NYAP2: variants seen among roughly 807,000 people sequenced by gnomAD.
The protein encoded by NYAP2 is neuronal tyrosine-phosphorylated phosphoinositide-3-kinase adapter 2.
In NYAP2, 23 loss-of-function variants were observed where a neutral mutation model predicts 50.4. That is an observed-to-expected ratio of 0.46 (90% CI 0.33 to 0.65). NYAP2 has a LOEUF of 0.65. Among genes scored for constraint, NYAP2 ranks in the 30% least tolerant of loss-of-function variants. The pLI, the probability that NYAP2 is intolerant of heterozygous loss-of-function variation, is 0.02. For synonymous variants in NYAP2, 394 were observed against 365.2 expected (o/e 1.08, Z -0.90); for missense variants, 885 against 861.0 (o/e 1.03, Z -0.35).
intron 6 of NYAP2, among the ~76,000 whole-genome samples, chr2:225,636,213 A>G (rs1693411959): frequency 6.6e-6 from 1 of 152,190 alleles, no homozygotes; most frequent in Admixed American, 6.5e-5. Flanking sequence ...TGTGACACTA[A>G]ATTTGGTACT....
chr2:225,648,130 A>T (rs1272679324), intron 6 of NYAP2, among the ~76,000 whole-genome samples: 1 of 152,042 alleles, frequency 6.6e-6, no homozygotes, highest in Non-Finnish European at 1.5e-5. Context: ...CCTCATGAGT[A>T]GCTGGGATTA....
chr2:225,423,766 C>T (rs1695249245), intron 3 of NYAP2, among the ~76,000 whole-genome samples: 1 of 152,054 alleles, frequency 6.6e-6, no homozygotes, highest in Admixed American at 6.6e-5. Flanking sequence ...CTCCATGTGC[C>T]AACTAGCAAC....
chr2:225,548,764 CTAA>C (rs1691625031), intron 4 of NYAP2, among the ~76,000 whole-genome samples: 1 of 152,098 alleles, frequency 6.6e-6, no homozygotes, highest in South Asian at 2.1e-4. Context: ...TATTTCAAAC[CTAA>C]TAACTTTTCA....
At chr2:225,466,930 C>T (rs951166480) in intron 3 of NYAP2, among the ~76,000 whole-genome samples, 5 of 152,148 alleles carry the variant, frequency 3.3e-5, no homozygotes, top group African/African-American at 7.2e-5. Context: ...TATTAAAATG[C>T]TTTAGAGCAG....
chr2:225,671,212 T>C, the NYAP2 span, among the ~76,000 whole-genome samples: 3 of 152,112 alleles, frequency 2.0e-5, no homozygotes, highest in Non-Finnish European at 4.4e-5. Flanking sequence ...CCAAACCATA[T>C]GATGCTGTTT....
At chr2:225,557,659 G>C (rs1489328181) in intron 4 of NYAP2, among the ~76,000 whole-genome samples, 4 of 152,282 alleles carry the variant, frequency 2.6e-5, no homozygotes, top group Non-Finnish European at 5.9e-5. Flanking sequence ...AAACAGCCAT[G>C]TATTTATAAT....
intron 3 of NYAP2, among the ~76,000 whole-genome samples, chr2:225,453,834 ATT>A (rs766421405): frequency 0.018 from 2,222 of 126,546 alleles, 61 homozygotes; most frequent in African/African-American, 0.061. Flanking sequence ...CGCCCGGCTA[ATT>A]TTTTTTTTTT....
At chr2:225,566,927 G>T (rs1282187323) in intron 4 of NYAP2, among the ~76,000 whole-genome samples, 2 of 152,106 alleles carry the variant, frequency 1.3e-5, no homozygotes, top group African/African-American at 4.8e-5. Flanking sequence ...GTGTGTGTGT[G>T]TGTGTGCGTG....
chr2:225,516,802 A>G (rs1252582303), intron 4 of NYAP2, among the ~76,000 whole-genome samples: 2 of 152,200 alleles, frequency 1.3e-5, no homozygotes, highest in Non-Finnish European at 2.9e-5. Context: ...TTCATTACAG[A>G]GCATATGTTT....
At chr2:225,561,396 A>G (rs918732769) in intron 4 of NYAP2, among the ~76,000 whole-genome samples, 6 of 152,136 alleles carry the variant, frequency 3.9e-5, no homozygotes, top group African/African-American at 1.4e-4. Context: ...GAACAGAGTG[A>G]ACCTGGAAGA....
the NYAP2 span, among the ~76,000 whole-genome samples, chr2:225,664,327 C>T: frequency 1.3e-5 from 2 of 152,158 alleles, no homozygotes; most frequent in African/African-American, 4.8e-5. Context: ...ATGGAGGCTT[C>T]TTGAGGGCTG....
intron 2 of NYAP2, among the ~76,000 whole-genome samples, chr2:225,405,519 G>A (rs868738056): frequency 6.6e-6 from 1 of 151,930 alleles, no homozygotes; most frequent in South Asian, 2.1e-4. Context: ...TCTATCTTAG[G>A]TGTAAATATA....
intron 4 of NYAP2, among the ~76,000 whole-genome samples, chr2:225,530,792 A>G (rs545776472): frequency 3.9e-5 from 6 of 152,198 alleles, no homozygotes; most frequent in African/African-American, 9.6e-5. Flanking sequence ...ATGGTTTTTT[A>G]TCTTGACACC....
intron 3 of NYAP2, among the ~76,000 whole-genome samples, chr2:225,500,498 G>A (rs553948370): frequency 1.3e-5 from 2 of 152,214 alleles, no homozygotes; most frequent in Admixed American, 6.5e-5. Context: ...AAATATTTGA[G>A]ACCTCAGCAG....
At chr2:225,678,856 T>C in the NYAP2 span, among the ~76,000 whole-genome samples, 403 of 152,244 alleles carry the variant, frequency 2.6e-3, no homozygotes, top group African/African-American at 9.4e-3. Context: ...CTGAGTTTCA[T>C]GGACAAATTA....
the NYAP2 span, chr2:225,699,181 C>A: frequency 2.0e-5 from 3 of 151,904 alleles, no homozygotes; most frequent in Non-Finnish European, 2.9e-5. Flanking sequence ...ATAAGAATTT[C>A]TCTTTAGCAT....
chr2:225,522,778 G>T (rs1341825658), intron 4 of NYAP2, among the ~76,000 whole-genome samples: 5 of 152,124 alleles, frequency 3.3e-5, no homozygotes, highest in Non-Finnish European at 7.4e-5. Context: ...AGCCAGCAAT[G>T]AGTTAAAGGA....
chr2:225,400,352 CAG>C (rs1379495550), intron 1 of NYAP2, 97 bp downstream of exon 1: 2 of 127,416 alleles, frequency 1.6e-5, no homozygotes, highest in Non-Finnish European at 3.3e-5. Context: ...GGGAGGGAGT[CAG>C]GGGCAGGGAG....
Position 225,513,842 on chromosome 2 carries a change from A to G in NYAP2, c.523+170A>G, listed in dbSNP as rs371011146. On this transcript the variant is annotated intron_variant, in intron 4 of 6. Transcript: ENST00000636099. ...AAGGTTATTTATTGATGTGTTGTCA[A>G]ATTTCCAGAAGAATGTATTTCTGAT... Among the ~76,000 whole-genome samples, 4 of 152,348 alleles carry G rather than the reference A, an allele frequency of 2.6e-5. No individual in the cohort carries two copies. The South Asian group carries it at 8.3e-4, about 32-fold the overall frequency.
Sources: allele counts gnomAD v4.1 joint callset (sites outside exome capture counted in the v4.1 genomes callset), GRCh38; gene constraint gnomAD v4.1.1; transcripts MANE v1.5; gene names NCBI Gene and HGNC (gene_info 2026-07-23, HGNC 2026-07-21).